The following NCOA2 variants were observed in gnomAD, a reference collection of about 807,000 sequenced individuals.
NCOA2 encodes class E basic helix-loop-helix protein 75.
A neutral mutation model predicts 145.1 loss-of-function variants in NCOA2; 21 were observed. That is an observed-to-expected ratio of 0.14 (90% CI 0.10 to 0.21). The LOEUF (loss-of-function observed/expected upper bound fraction) is 0.21, where lower values mean the gene tolerates loss of function less well. Ranked by LOEUF, NCOA2 falls within the 10% of genes least tolerant of loss-of-function variation. The probability of loss-of-function intolerance (pLI) is 1.00; values close to 1 mark genes in which losing one functional copy is unlikely to be tolerated. For synonymous variants in NCOA2, 619 were observed against 637.5 expected (o/e 0.97, Z 0.44); for missense variants, 1,472 against 1,837.6 (o/e 0.80, Z 3.64).
At chr8:70,117,362 C>T (rs998552758) in intron 22 of NCOA2, among the ~76,000 whole-genome samples, 1 of 152,226 alleles carries the variant, frequency 6.6e-6, no homozygotes, top group African/African-American at 2.4e-5. Context: ...CTACGAAGGG[C>T]CTGGCACTAT....
intron 4 of NCOA2, among the ~76,000 whole-genome samples, chr8:70,213,090 A>C (rs1026622521): frequency 1.4e-5 from 2 of 144,638 alleles, no homozygotes; most frequent in African/African-American, 5.3e-5. Context: ...CTCAAAAAAA[A>C]CACCAAAAAA....
At chr8:70,424,386 G>A in the NCOA2 span, 1 of 394,324 alleles carries the variant, frequency 2.5e-6, no homozygotes, top group South Asian at 2.1e-5. Context: ...GCAATCATAT[G>A]TTCCACCTCA....
chr8:70,120,628 G>A (rs1292647665), intron 22 of NCOA2, among the ~76,000 whole-genome samples: 1 of 152,180 alleles, frequency 6.6e-6, no homozygotes, highest in African/African-American at 2.4e-5. Context: ...GGCTGAGGCA[G>A]GAGAGTTGCC....
chr8:70,155,499 A>C (rs773164564), intron 11 of NCOA2, among the ~76,000 whole-genome samples: 19 of 152,248 alleles, frequency 1.2e-4, no homozygotes, highest in Non-Finnish European at 2.4e-4. Flanking sequence ...CCTGTGGGCT[A>C]AATCTTGTTT....
At position 70,159,707 on chromosome 8, in the gene NCOA2, G is replaced by A. The variant is rs966839481; in HGVS notation, c.977-55C>T. 1.3e-5 allele frequency: 19 copies of A among 1,515,446 alleles called. No homozygotes were observed. The East Asian group carries it at 1.6e-4, about 13-fold the overall frequency. The allele number at this position is 1,515,446 out of a possible 1,614,324, so 93.9% of individuals were successfully genotyped here. A position where few individuals can be genotyped will look rare whatever the true frequency, so the allele number is the denominator to read the frequency against. On this transcript the variant is annotated intron_variant, in intron 9 of 22. Transcript: ENST00000452400. ...GTTTAGAAAAAAAAATTGAGGGGTCGGGGAGGACAAGACATAATAAGAGTA... is the reference window on the plus strand; with the variant it reads ...GTTTAGAAAAAAAAATTGAGGGGTCAGGGAGGACAAGACATAATAAGAGTA...
At chr8:70,404,979 AAG>A (rs933331483), upstream of NCOA2, among the ~76,000 whole-genome samples, 7 of 152,238 alleles carry the variant, frequency 4.6e-5, no homozygotes, top group African/African-American at 1.7e-4. Context: ...GGTAGACAAT[AAG>A]AGTGTTTATT....
At chr8:70,161,061 G>A (rs1317941348) in intron 9 of NCOA2, among the ~76,000 whole-genome samples, 3 of 152,168 alleles carry the variant, frequency 2.0e-5, no homozygotes, top group East Asian at 1.9e-4. Context: ...CTGTGAGCAC[G>A]CACCTGAACA....
Position 70,203,092 on chromosome 8 carries a change from G to A in NCOA2, c.259+10811C>T, listed in dbSNP as rs992286547. On this transcript the variant is annotated intron_variant, in intron 4 of 22. Transcript: ENST00000452400. Reference sequence around the variant, plus strand: ...ATTCTGGCCAACACGGTGAAACCCCGTCTCAACTAAAAATATAAAAATTAG... The same window carrying A: ...ATTCTGGCCAACACGGTGAAACCCCATCTCAACTAAAAATATAAAAATTAG... Among the ~76,000 whole-genome samples the A allele has an allele frequency of 9.9e-5, 15 of 152,026 alleles. 1 individual carries two copies. In the South Asian group the frequency reaches 1.5e-3, roughly 15 times the overall value.
At chr8:70,210,167 T>C (rs1818864164) in intron 4 of NCOA2, among the ~76,000 whole-genome samples, 1 of 152,194 alleles carries the variant, frequency 6.6e-6, no homozygotes, top group Non-Finnish European at 1.5e-5. Context: ...GTGTCTCAGG[T>C]TCCCCTCCTG....
intron 9 of NCOA2, among the ~76,000 whole-genome samples, chr8:70,162,414 T>C (rs2132417191): frequency 6.6e-6 from 1 of 152,352 alleles, no homozygotes; most frequent in South Asian, 2.1e-4. Context: ...ATATTTCTTT[T>C]CATTAGATGG....
At chr8:70,316,804 A>G (rs1215796668) in intron 1 of NCOA2, among the ~76,000 whole-genome samples, 1 of 152,188 alleles carries the variant, frequency 6.6e-6, no homozygotes. Flanking sequence ...CAAATCTATA[A>G]CTAAACTTCT....
At chr8:70,164,361 T>A (rs1019133377) in intron 7 of NCOA2, among the ~76,000 whole-genome samples, 3 of 152,238 alleles carry the variant, frequency 2.0e-5, no homozygotes, top group African/African-American at 7.2e-5. Flanking sequence ...ACAAATGCTG[T>A]TGTCAAAAAA....
intron 2 of NCOA2, among the ~76,000 whole-genome samples, chr8:70,251,549 T>G (rs1163183206): frequency 6.6e-6 from 1 of 152,234 alleles, no homozygotes; most frequent in Non-Finnish European, 1.5e-5. Flanking sequence ...CTCCTTGAAG[T>G]CAGTGGAGTA....
At chr8:70,450,480 G>A in the NCOA2 span, among the ~76,000 whole-genome samples, 2 of 151,502 alleles carry the variant, frequency 1.3e-5, no homozygotes, top group African/African-American at 2.4e-5. Context: ...CCAGAACTGT[G>A]AGCAATAAAT....
At chr8:70,129,652 TG>T (rs1563493418) in intron 16 of NCOA2, among the ~76,000 whole-genome samples, 1 of 152,028 alleles carries the variant, frequency 6.6e-6, no homozygotes, top group East Asian at 1.9e-4. Flanking sequence ...CTACTAGACA[TG>T]GTTTATGTGT....
chr8:70,310,823 A>G lies in NCOA2; in HGVS notation c.-76-14023T>C, dbSNP rs116892642. Among the ~76,000 whole-genome samples, 143 of 152,328 alleles carry G rather than the reference A, an allele frequency of 9.4e-4. No homozygotes were observed. The East Asian group carries it at 0.024, about 26-fold the overall frequency. ...AAGCATAGACAATTTAACCTTTCAT[A>G]ATATCATCCTCAGGGCTCTAAAATT... is the stretch of plus-strand genomic sequence containing the variant. On this transcript the variant is annotated intron_variant, in intron 1 of 22. Transcript: ENST00000452400.
At chr8:70,316,826 CT>C (rs1406131932) in intron 1 of NCOA2, among the ~76,000 whole-genome samples, 1 of 152,156 alleles carries the variant, frequency 6.6e-6, no homozygotes, top group African/African-American at 2.4e-5. Context: ...GTAATTTTGT[CT>C]TTTGGTAGTT....
At chr8:70,298,997 T>C (rs1235193945) in intron 1 of NCOA2, among the ~76,000 whole-genome samples, 1 of 152,024 alleles carries the variant, frequency 6.6e-6, no homozygotes, top group African/African-American at 2.4e-5. Context: ...GAGGCAGAGC[T>C]TGCAGTGAGC....
chr8:70,249,632 TATC>T (rs1822933516), intron 2 of NCOA2, among the ~76,000 whole-genome samples: 1 of 152,112 alleles, frequency 6.6e-6, no homozygotes, highest in Admixed American at 6.6e-5. Flanking sequence ...CTTAGTTTGA[TATC>T]ATGTTCAGCA....
Sources: gnomAD v4.1 joint callset for allele counts (sites outside exome capture counted in the v4.1 genomes callset) on GRCh38, gnomAD v4.1.1 for gene constraint, MANE v1.5 for transcripts, NCBI Gene and HGNC (gene_info 2026-07-23, HGNC 2026-07-21) for gene names.